SPTB: variants seen among roughly 807,000 people sequenced by gnomAD.
SPTB encodes the protein spectrin beta, erythrocytic.
In SPTB, 45 loss-of-function variants were observed where a neutral mutation model predicts 256.2. The ratio of observed to expected loss-of-function variants is 0.18; its 90% CI spans 0.14 to 0.23. The LOEUF (loss-of-function observed/expected upper bound fraction) is 0.23, where lower values mean the gene tolerates loss of function less well. SPTB is among the 10% of genes least tolerant of loss of function. The pLI, the probability that SPTB is intolerant of heterozygous loss-of-function variation, is 1.00. For missense variants in SPTB, 2,715 were observed against 3,040.4 expected (o/e 0.89, Z 2.52); for synonymous variants, 1,231 against 1,243.1 (o/e 0.99, Z 0.21).
Position 64,796,554 on chromosome 14 carries a change from T to C in SPTB, c.1341+3A>G. 1 of 1,614,158 alleles carries C rather than the reference T, an allele frequency of 6.2e-7. No individual in the cohort carries two copies. Among genetic ancestry groups the C allele is most frequent in the Non-Finnish European group, 8.5e-7 (1 of 1,180,016 alleles). ...CTGTCACCCAAAGCATGTCCCTCAT[T>C]ACCTGGGCCACGAGGCGCTGGTTTT... On this transcript the variant is annotated splice_donor_region_variant and intron_variant, in intron 11 of 35. Coordinates refer to ENST00000644917, the MANE Select transcript of SPTB (RefSeq NM_001355436.2). This position sits in a 1 kb window ranked among gnomAD's most constrained non-coding sequence, Gnocchi z 4.1.
At position 64,873,250 on chromosome 14, in the gene SPTB, C is replaced by T. The variant is rs1882645035; in HGVS notation, c.-52+6542G>A. Among the ~76,000 whole-genome samples the T allele has an allele frequency of 1.3e-5, 2 of 152,192 alleles. No individual in the cohort carries two copies. Among genetic ancestry groups the T allele is most frequent in the Admixed American group, 6.5e-5 (1 of 15,284 alleles). On this transcript the variant is annotated intron_variant, in intron 1 of 35. Coordinates refer to ENST00000644917, the MANE Select transcript of SPTB (RefSeq NM_001355436.2). This position sits in a 1 kb window ranked among gnomAD's most constrained non-coding sequence, Gnocchi z 4.3. The stretch of plus-strand genomic sequence containing the variant: ...ATTTAGTTCCTCTCTCCCCCAACTA[C>T]AATGTGCACTCTACGACTTCAGACA...
At position 64,847,332 on chromosome 14, in the gene SPTB, G is replaced by A. The variant is rs1040806263; in HGVS notation, c.-51-24187C>T. 3.9e-5 allele frequency among the ~76,000 whole-genome samples: 6 copies of A among 152,134 alleles called. No individual in the cohort carries two copies. The highest frequency in any genetic ancestry group is 4.8e-5 in the African/African-American group (2 of 41,430). ...TCCATCCACATGAAAAAGAATGGGC[G>A]GAACAAATCAGACAGCCCTCTTCCA... On this transcript the variant is annotated intron_variant, in intron 1 of 35. Transcript: ENST00000644917. This position sits in a 1 kb window ranked among gnomAD's most constrained non-coding sequence, Gnocchi z 5.9.
rs1174432468 is a variant in SPTB, at chr14:64,786,369, A to G, written c.3561+35T>C. On this transcript the variant is annotated intron_variant, in intron 16 of 35. Coordinates refer to ENST00000644917, the MANE Select transcript of SPTB (RefSeq NM_001355436.2). The surrounding 1 kb of genome is among the most constrained non-coding windows in gnomAD (Gnocchi z 5.6). ...TCACCACAAGAGCTACTGCCCTGAG[A>G]GACCCGCCTGTCCCAGCCCTGAATG... 2 of 1,613,158 alleles carry G rather than the reference A, an allele frequency of 1.2e-6. No homozygotes were observed. The highest frequency in any genetic ancestry group is 1.7e-6 in the Non-Finnish European group (2 of 1,179,996).
intron 32 of SPTB, 107 bp from the exon 33 acceptor site, chr14:64,753,900 G>A (rs2081986924): frequency 2.7e-6 from 4 of 1,462,762 alleles, no homozygotes; most frequent in Non-Finnish European, 3.7e-6. Context: ...ACACCCCCAA[G>A]CCTACTTCCT....
In SPTB at chr14:64,836,431, G is replaced by T. The variant is rs1274489642; in HGVS notation, c.-51-13286C>A. Among the ~76,000 whole-genome samples the T allele has an allele frequency of 7.2e-5, 11 of 152,080 alleles. 1 individual carries two copies. The East Asian group carries it at 2.1e-3, about 29-fold the overall frequency. ...CTGTATAGTACCAGATTGCCCCAGG[G>T]TATTATTTACAAATAACATGCAGTG... On this transcript the variant is annotated intron_variant, in intron 1 of 35. Coordinates refer to ENST00000644917, the MANE Select transcript of SPTB (RefSeq NM_001355436.2).
chr14:64,765,041 TGCGCGCGC>T (rs1555366153), intron 32 of SPTB, among the ~76,000 whole-genome samples: 1 of 116,988 alleles, frequency 8.5e-6, no homozygotes, highest in Non-Finnish European at 1.7e-5. Flanking sequence ...TGTGTGTGTG[TGCGCGCGC>T]GCGCGCGGGT....
At chr14:64,755,888 A>G (rs546948078) in intron 32 of SPTB, 16 of 152,280 alleles carry the variant, frequency 1.1e-4, no homozygotes, top group African/African-American at 3.6e-4. Flanking sequence ...AAATACCAAT[A>G]TACACCCTTC....
At chr14:64,803,900 G>T in intron 3 of SPTB, 120 bp from the exon 4 acceptor site, 1 of 1,034,252 alleles carries the variant, frequency 9.7e-7, no homozygotes, top group Non-Finnish European at 1.4e-6. Flanking sequence ...CAAACACCAA[G>T]TCCCATGGTC....
rs2082653437 is a variant in SPTB, at chr14:64,790,663, C to T, written c.2804+1056G>A. 6.6e-6 allele frequency among the ~76,000 whole-genome samples: 1 copy of T among 152,206 alleles called. No individual in the cohort carries two copies. The highest frequency in any genetic ancestry group is 6.5e-5 in the Admixed American group (1 of 15,284). On this transcript the variant is annotated intron_variant, in intron 15 of 35. Transcript: ENST00000644917. The surrounding 1 kb of genome is among the most constrained non-coding windows in gnomAD (Gnocchi z 4.8). The stretch of plus-strand genomic sequence containing the variant: ...TCCCTTTCTTTACAATGGAGTCTTC[C>T]CTAGGCCCACCTCCCAGATTGCCTC...
rs2082336675 is a variant in SPTB, at chr14:64,775,097, C to A, written c.4842+28G>T. 1 of 1,613,766 alleles carries A rather than the reference C, an allele frequency of 6.2e-7. No individual in the cohort carries two copies. Among genetic ancestry groups the A allele is most frequent in the Non-Finnish European group, 8.5e-7 (1 of 1,180,014 alleles). ...AACTCTTCCTCTCTGCCTGGGCACC[C>A]TGGCTGGTATCCCCTGCCCGAACAG... On this transcript the variant is annotated intron_variant, in intron 23 of 35. Transcript: ENST00000644917. The surrounding 1 kb of genome is among the most constrained non-coding windows in gnomAD (Gnocchi z 5.0).
rs1161066241 is a variant in SPTB at position 64,760,019 on chromosome 14, C to T, written c.6346-6226G>A. On this transcript the variant is annotated intron_variant, in intron 32 of 35. Transcript: ENST00000644917. The surrounding 1 kb of genome is among the most constrained non-coding windows in gnomAD (Gnocchi z 4.3). ...CATGACATCAGAGGAGGGCAGGGGA[C>T]AAGCAGCATTGGTTGCTGGTTGACA... 6.6e-6 allele frequency among the ~76,000 whole-genome samples: 1 copy of T among 152,050 alleles called. No homozygotes were observed. Among genetic ancestry groups the T allele is most frequent in the African/African-American group, 2.4e-5 (1 of 41,380 alleles).
chr14:64,774,116 G>A lies in SPTB; in HGVS notation c.4973+281C>T, dbSNP rs549121779. On this transcript the variant is annotated intron_variant, in intron 24 of 35. Coordinates refer to ENST00000644917, the MANE Select transcript of SPTB (RefSeq NM_001355436.2). The stretch of plus-strand genomic sequence containing the variant: ...GTCCCTTAGCATATTGTAACCCTTC[G>A]GAAAATTGGTGCTCTCAGGTCACCA... Among the ~76,000 whole-genome samples the A allele has an allele frequency of 6.2e-4, 95 of 152,286 alleles. 1 individual carries two copies. Among genetic ancestry groups the A allele is most frequent in the Middle Eastern group, 6.8e-3 (2 of 294 alleles).
chr14:64,868,260 G>T (rs1882313409), intron 1 of SPTB, among the ~76,000 whole-genome samples: 1 of 152,140 alleles, frequency 6.6e-6, no homozygotes, highest in South Asian at 2.1e-4. Context: ...TTAAAAGAAA[G>T]AAACTAATTT....
In SPTB at chr14:64,873,816, T is replaced by C. The variant is rs1354062059; in HGVS notation, c.-52+5976A>G. Among the ~76,000 whole-genome samples the C allele has an allele frequency of 6.6e-6, 1 of 152,200 alleles. No individual in the cohort carries two copies. The highest frequency in any genetic ancestry group is 1.5e-5 in the Non-Finnish European group (1 of 68,036). ...TTTGGAATAAACTACTAGAGGGACATTGAGTATATAAATGTACATTTCTAA... is the reference window on the plus strand; with the variant it reads ...TTTGGAATAAACTACTAGAGGGACACTGAGTATATAAATGTACATTTCTAA... On this transcript the variant is annotated intron_variant, in intron 1 of 35. Transcript: ENST00000644917. This position sits in a 1 kb window ranked among gnomAD's most constrained non-coding sequence, Gnocchi z 4.3.
At chr14:64,769,863 A>T (rs1210364781) in intron 27 of SPTB, 135 bp from the exon 28 acceptor site, 2 of 1,237,462 alleles carry the variant, frequency 1.6e-6, no homozygotes, top group Non-Finnish European at 2.3e-6. Context: ...CTGGCCAGCC[A>T]GGGGGTCCTC....
At chr14:64,876,991 A>C (rs1035023163) in intron 1 of SPTB, among the ~76,000 whole-genome samples, 3 of 152,150 alleles carry the variant, frequency 2.0e-5, no homozygotes, top group African/African-American at 4.8e-5. Context: ...GTAAGTATGC[A>C]CATGGAAGGC....
At chr14:64,808,098 C>T (rs967445854) in intron 2 of SPTB, among the ~76,000 whole-genome samples, 3 of 152,202 alleles carry the variant, frequency 2.0e-5, no homozygotes, top group African/African-American at 4.8e-5. Context: ...CTGCAACCTC[C>T]GCCTTCTGGG....
In SPTB at chr14:64,802,086, C is replaced by T. The variant is rs563856283; in HGVS notation, c.566+140G>A. 4.5e-4 allele frequency: 420 copies of T among 940,590 alleles called. No individual in the cohort carries two copies. The highest frequency in any genetic ancestry group is 4.8e-4 in the Non-Finnish European group (282 of 590,848). The allele number at this position is 940,590 out of a possible 1,614,324, so 58.3% of individuals were successfully genotyped here. On this transcript the variant is annotated intron_variant, in intron 5 of 35. Transcript: ENST00000644917. This position sits in a 1 kb window ranked among gnomAD's most constrained non-coding sequence, Gnocchi z 5.1. ...TATTCCAGGCCTCAAAGAATCAGGT[C>T]AGGACAGACTTTGCATCAATTACAG... is the stretch of plus-strand genomic sequence containing the variant.
At position 64,853,888 on chromosome 14, in the gene SPTB, A is replaced by AT. The variant is rs138255090; in HGVS notation, c.-52+25903dup. On this transcript the variant is annotated intron_variant, in intron 1 of 35. Coordinates refer to ENST00000644917, the MANE Select transcript of SPTB (RefSeq NM_001355436.2). The surrounding 1 kb of genome is among the most constrained non-coding windows in gnomAD (Gnocchi z 4.3). Reference sequence around the variant, plus strand: ...ATGACTCAAGAGACATTTATTAAAAATTTTTTTAGATACTTATCACTGGCC... The same window carrying AT: ...ATGACTCAAGAGACATTTATTAAAAATTTTTTTTAGATACTTATCACTGGCC... Among the ~76,000 whole-genome samples the AT allele has an allele frequency of 7.4e-3, 1,130 of 152,210 alleles. 18 individuals carry two copies. Among genetic ancestry groups the AT allele is most frequent in the African/African-American group, 0.026 (1,069 of 41,526 alleles).
Sources: gnomAD v4.1 joint callset for allele counts (sites outside exome capture counted in the v4.1 genomes callset) on GRCh38, gnomAD v4.1.1 for gene constraint, Gnocchi (gnomAD v3.1) non-coding constraint, MANE v1.5 for transcripts, NCBI Gene and HGNC (gene_info 2026-07-23, HGNC 2026-07-21) for gene names.